Variants in ARG1 observed in about 807,000 individuals in gnomAD.
ARG1 encodes the protein arginase 1, also known as arginase-1.
ARG1 carries 20 observed loss-of-function variants against 33.0 expected under a neutral mutation model. The observed-to-expected ratio is 0.61, with a 90% CI of 0.43 to 0.88. ARG1 has a LOEUF of 0.88. ARG1 is among the 40% of genes least tolerant of loss of function. ARG1 has a pLI of 0.00. For synonymous variants in ARG1, 146 were observed against 140.6 expected, an observed-to-expected ratio of 1.04 and a Z score of -0.27; for missense variants, 374 against 384.7, an observed-to-expected ratio of 0.97 and a Z score of 0.23.
At chr6:131,574,102 G>A (rs969189785) in intron 1 of ARG1, 1 of 703,190 alleles carries the variant, frequency 1.4e-6, no homozygotes, top group African/African-American at 1.8e-5. Flanking sequence ...CTAGTAAAGA[G>A]AGTGTGATGA....
chr6:131,582,919 A>G, intron 5 of ARG1, 141 bp from the exon 6 acceptor site: 1 of 775,088 alleles, frequency 1.3e-6, no homozygotes, highest in Admixed American at 2.6e-5. Flanking sequence ...TTAAAAATAA[A>G]TACAAATAAA....
Position 131,573,533 on chromosome 6 carries a change from C to T in ARG1, c.57+194C>T, listed in dbSNP as rs192988987. On this transcript the variant is annotated intron_variant, in intron 1 of 7. Transcript: ENST00000368087. ...CACATATCCACTTACTTTTGTGGCTCGTGATCTCAGCCAAGGCTAAATTCA... is the reference window on the plus strand; with the variant it reads ...CACATATCCACTTACTTTTGTGGCTTGTGATCTCAGCCAAGGCTAAATTCA... Among the ~76,000 whole-genome samples, 4 of 152,252 alleles carry T rather than the reference C, an allele frequency of 2.6e-5. No individual in the cohort carries two copies. The South Asian group carries it at 6.2e-4, about 24-fold the overall frequency.
intron 2 of ARG1, among the ~76,000 whole-genome samples, chr6:131,578,453 C>G (rs1329933336): frequency 6.6e-6 from 1 of 152,066 alleles, no homozygotes; most frequent in African/African-American, 2.4e-5. Context: ...GGGAGCACAC[C>G]CAGTCCTTAG....
At position 131,583,454 on chromosome 6, in the gene ARG1, A is replaced by C; in HGVS notation, c.765A>C (p.Arg255Ser). Reference protein sequence around the residue: ...GTPVVGGLTYREGLYITEEIY... With the variant: ...GTPVVGGLTYSEGLYITEEIY... ...CAGTCGTGGGAGGTCTGACATACAGAGAAGGTCTCTACATCACAGAAGAAA... is the reference window on the plus strand; with the variant it reads ...CAGTCGTGGGAGGTCTGACATACAGCGAAGGTCTCTACATCACAGAAGAAA... Residue 255 changes from arginine (R) to serine (S), a missense_variant, in exon 7 of 8, where the codon AGA becomes AGC. Physicochemically the swap from Arg to Ser is moderately radical, Grantham distance 110. Transcript: ENST00000368087. 1 of 1,614,100 alleles carries C rather than the reference A, an allele frequency of 6.2e-7. No homozygotes were observed.
Position 131,583,401 on chromosome 6 carries a change from C to T in ARG1, c.712C>T (p.Pro238Ser), listed in dbSNP as rs776530369. ...HLSFDVDGLD[P>S]SFTPATGTPV... is the part of the protein sequence containing the mutation. ...AAGTTTTGATGTTGACGGACTGGAC[C>T]CATCTTTCACACCAGCTACTGGCAC... Residue 238 changes from proline to serine, a missense_variant, in exon 7 of 8, where the codon CCA becomes TCA. Pro to Ser is a moderately conservative substitution (Grantham distance 74). Coordinates refer to ENST00000368087, the MANE Select transcript of ARG1 (RefSeq NM_000045.4). 6.2e-7 allele frequency: 1 copy of T among 1,614,074 alleles called. No individual in the cohort carries two copies. Among genetic ancestry groups the T allele is most frequent in the South Asian group, 1.1e-5 (1 of 91,080 alleles).
At position 131,579,297 on chromosome 6, in the gene ARG1, T is replaced by C. The variant is rs1773793398; in HGVS notation, c.305+12T>C. The C allele has an allele frequency of 6.2e-7, 1 of 1,613,634 alleles. No homozygotes were observed. Among genetic ancestry groups the C allele is most frequent in the Non-Finnish European group, 8.5e-7 (1 of 1,179,846 alleles). On this transcript the variant is annotated intron_variant, in intron 3 of 7. Coordinates refer to ENST00000368087, the MANE Select transcript of ARG1 (RefSeq NM_000045.4). ...GGCGGAGACCACAGGTCTTGTTGAATAACTGTGTCTATGGGAATCTGGCAC... is the reference window on the plus strand; with the variant it reads ...GGCGGAGACCACAGGTCTTGTTGAACAACTGTGTCTATGGGAATCTGGCAC...
intron 1 of ARG1, chr6:131,574,289 CT>C (rs745714525): frequency 1.2e-6 from 2 of 1,613,974 alleles, no homozygotes; most frequent in South Asian, 1.1e-5. Context: ...TGTACTCTGA[CT>C]TTTTACTGCA....
Position 131,583,996 on chromosome 6 carries a change from G to C in ARG1, c.*88G>C. 1 of 1,452,898 alleles carries C rather than the reference G, an allele frequency of 6.9e-7. No individual in the cohort carries two copies. The highest frequency in any genetic ancestry group is 9.5e-7 in the Non-Finnish European group (1 of 1,054,762). 90.0% of individuals were successfully genotyped at this position (1,452,898 alleles called of 1,614,324 possible). ...TTAAGCATAGAGTTATCCTTCTAAA[G>C]ACTTGTTCTTTCAGAAAAATGTTTT... On this transcript the variant is annotated 3_prime_UTR_variant, in exon 8 of 8. Transcript: ENST00000368087.
chr6:131,583,633 C>T, intron 7 of ARG1, 109 bp from the exon 8 acceptor site: 1 of 1,518,108 alleles, frequency 6.6e-7, no homozygotes, highest in Non-Finnish European at 9.0e-7. Context: ...AAGTGTTTTC[C>T]ATCGGTTACT....
At chr6:131,580,462 C>G (rs1340723098) in intron 3 of ARG1, among the ~76,000 whole-genome samples, 2 of 152,186 alleles carry the variant, frequency 1.3e-5, no homozygotes, top group African/African-American at 2.4e-5. Context: ...TGGGAGAATA[C>G]AGGCATTGTA....
intron 1 of ARG1, among the ~76,000 whole-genome samples, chr6:131,575,367 A>G (rs553554338): frequency 1.3e-5 from 2 of 152,208 alleles, no homozygotes; most frequent in Non-Finnish European, 1.5e-5. Context: ...ACACAAAACT[A>G]AAGGCAAAAC....
Position 131,573,412 on chromosome 6 carries a change from T to G in ARG1, c.57+73T>G, listed in dbSNP as rs928272810. On this transcript the variant is annotated intron_variant, in intron 1 of 7. Transcript: ENST00000368087. ...TTTGGACTTCAAAATTTGTAAGGTGTTATTGTCTAGTTAGTTCAGTTTTCT... is the reference window on the plus strand; with the variant it reads ...TTTGGACTTCAAAATTTGTAAGGTGGTATTGTCTAGTTAGTTCAGTTTTCT... 5 of 1,429,896 alleles carry G rather than the reference T, an allele frequency of 3.5e-6. No individual in the cohort carries two copies. The Admixed American group carries it at 8.4e-5, about 24-fold the overall frequency. The allele number at this position is 1,429,896 out of a possible 1,614,324, so 88.6% of individuals were successfully genotyped here.
At position 131,583,054 on chromosome 6, in the gene ARG1, T is replaced by G; in HGVS notation, c.561-6T>G. 1.2e-6 allele frequency: 2 copies of G among 1,602,060 alleles called. No homozygotes were observed. The highest frequency in any genetic ancestry group is 3.3e-5 in the Admixed American group (2 of 59,974). ...AATTATAATTATCTTAATTTCTCTT[T>G]TATAGCTACATTTTGAAAACTCTAG... On this transcript the variant is annotated splice_region_variant and splice_polypyrimidine_tract_variant and intron_variant, in intron 5 of 7. Coordinates refer to ENST00000368087, the MANE Select transcript of ARG1 (RefSeq NM_000045.4).
chr6:131,578,135 C>A (rs1432834844), intron 2 of ARG1, among the ~76,000 whole-genome samples: 13 of 149,190 alleles, frequency 8.7e-5, no homozygotes, highest in African/African-American at 3.2e-4. Flanking sequence ...TTGACCCGCA[C>A]AGTTAAAATT....
chr6:131,574,331 G>T, intron 1 of ARG1: 1 of 1,613,488 alleles, frequency 6.2e-7, no homozygotes. Context: ...GAGGTTAGAG[G>T]CCCAAACTGC....
Position 131,582,613 on chromosome 6 carries a change from A to G in ARG1, c.466-8A>G, listed in dbSNP as rs1338586296. On this transcript the variant is annotated splice_polypyrimidine_tract_variant and splice_region_variant and intron_variant, in intron 4 of 7. Transcript: ENST00000368087. ...ATACATAACCAAGTGAAAACATTGTAATTTTAGATTCCCGATGTGCCAGGA... is the reference window on the plus strand; with the variant it reads ...ATACATAACCAAGTGAAAACATTGTGATTTTAGATTCCCGATGTGCCAGGA... 6.2e-7 allele frequency: 1 copy of G among 1,608,820 alleles called. No homozygotes were observed. Among genetic ancestry groups the G allele is most frequent in the Non-Finnish European group, 8.5e-7 (1 of 1,175,352 alleles).
chr6:131,578,186 T>TAAAAAAAAA (rs34484161), intron 2 of ARG1, among the ~76,000 whole-genome samples: 1 of 140,070 alleles, frequency 7.1e-6, no homozygotes, highest in African/African-American at 2.6e-5. Flanking sequence ...CGTAAATCTT[T>TAAAAAAAAA]AAAAAAAAAA....
At chr6:131,579,344 A>T in intron 3 of ARG1, 59 bp downstream of exon 3, 1 of 1,576,738 alleles carries the variant, frequency 6.3e-7, no homozygotes, top group Non-Finnish European at 8.7e-7. Flanking sequence ...CCAAGGCCAT[A>T]AGAAGAGAGA....
At position 131,583,882 on chromosome 6, in the gene ARG1, A is replaced by G. The variant is rs2114551786; in HGVS notation, c.943A>G (p.Ile315Val). The G allele has an allele frequency of 1.2e-5, 19 of 1,614,150 alleles. No individual in the cohort carries two copies. Among genetic ancestry groups the G allele is most frequent in the East Asian group, 4.5e-5 (2 of 44,864 alleles). Residue 315 changes from isoleucine to valine, a missense_variant, in exon 8 of 8, where the codon ATT becomes GTT. Physicochemically the swap from Ile to Val is conservative, Grantham distance 29. Coordinates refer to ENST00000368087, the MANE Select transcript of ARG1 (RefSeq NM_000045.4). ...GLAREGNHKP[I>V]DYLNPPK Reference sequence around the variant, plus strand: ...TGCTCGGGAGGGTAATCACAAGCCTATTGACTACCTTAACCCACCTAAGTA... The same window carrying G: ...TGCTCGGGAGGGTAATCACAAGCCTGTTGACTACCTTAACCCACCTAAGTA...
Sources: gnomAD v4.1 joint callset for allele counts (sites outside exome capture counted in the v4.1 genomes callset) on GRCh38, gnomAD v4.1.1 for gene constraint, MANE v1.5 for transcripts, NCBI Gene and HGNC (gene_info 2026-07-23, HGNC 2026-07-21) for gene names.